Variants in CASD1 observed in about 807,000 individuals in gnomAD.
CASD1 encodes N-acetylneuraminate (7)9-O-acetyltransferase.
CASD1 carries 41 observed loss-of-function variants against 100.0 expected under a neutral mutation model. The observed-to-expected ratio is 0.41, with a 90% CI of 0.32 to 0.53. The LOEUF (loss-of-function observed/expected upper bound fraction) is 0.53, where lower values mean the gene tolerates loss of function less well. Ranked by LOEUF, CASD1 falls within the 20% of genes least tolerant of loss-of-function variation. The pLI, the probability that CASD1 is intolerant of heterozygous loss-of-function variation, is 0.25. For missense variants in CASD1, 774 were observed against 948.7 expected, an observed-to-expected ratio of 0.82 and a Z score of 2.42; for synonymous variants, 321 against 315.6, an observed-to-expected ratio of 1.02 and a Z score of -0.18.
At chr7:94,587,329 T>A in the CASD1 span, 1 of 1,004,402 alleles carries the variant, frequency 1.0e-6, no homozygotes, top group Non-Finnish European at 1.2e-6. Flanking sequence ...GTAAGTAAAA[T>A]CTGGATTTTT....
rs147579585 is a variant in CASD1, at chr7:94,541,357, A to G, written c.1356+2301A>G. On this transcript the variant is annotated intron_variant, in intron 10 of 17. Transcript: ENST00000297273. ...TTGTGTCATGTTTTTATGCTAAAAG[A>G]TAACTGTATCAAAAATTCTAGAGAA... Among the ~76,000 whole-genome samples, 687 of 151,988 alleles carry G rather than the reference A, an allele frequency of 4.5e-3. 2 individuals are homozygous for G. Among genetic ancestry groups the G allele is most frequent in the Non-Finnish European group, 7.5e-3 (506 of 67,874 alleles).
At chr7:94,615,003 A>T in the CASD1 span, among the ~76,000 whole-genome samples, 15 of 152,202 alleles carry the variant, frequency 9.9e-5, no homozygotes, top group African/African-American at 3.4e-4. Flanking sequence ...TTTCTATATC[A>T]CCACTATTCC....
the CASD1 span, among the ~76,000 whole-genome samples, chr7:94,583,121 T>A: frequency 6.6e-6 from 1 of 152,260 alleles, no homozygotes; most frequent in Non-Finnish European, 1.5e-5. Flanking sequence ...TTGGAGGCAC[T>A]GACCTTGATG....
At chr7:94,577,142 T>C in the CASD1 span, among the ~76,000 whole-genome samples, 5 of 152,220 alleles carry the variant, frequency 3.3e-5, no homozygotes, top group African/African-American at 1.2e-4. Context: ...CCAACTTCTA[T>C]GTTTCCTGGG....
At chr7:94,595,947 G>A in the CASD1 span, among the ~76,000 whole-genome samples, 1 of 152,234 alleles carries the variant, frequency 6.6e-6, no homozygotes, top group Middle Eastern at 3.4e-3. Context: ...CGCACTTGAT[G>A]ATCCTGCAGT....
the CASD1 span, among the ~76,000 whole-genome samples, chr7:94,564,717 C>T: frequency 6.6e-6 from 1 of 152,046 alleles, no homozygotes; most frequent in Non-Finnish European, 1.5e-5. Context: ...ACTCTGAAGG[C>T]CATGAAAATA....
chr7:94,545,803 A>T, intron 12 of CASD1, 102 bp downstream of exon 12: 1 of 659,432 alleles, frequency 1.5e-6, no homozygotes. Flanking sequence ...TGATGTAGAC[A>T]GTTTAAATTT....
chr7:94,580,718 A>G, the CASD1 span, among the ~76,000 whole-genome samples: 9 of 152,224 alleles, frequency 5.9e-5, no homozygotes, highest in African/African-American at 1.9e-4. Context: ...AAAGCCACCA[A>G]TTATTTCACA....
At chr7:94,549,435 T>C (rs1040103759) in intron 13 of CASD1, 98 bp from the exon 14 acceptor site, 24 of 739,958 alleles carry the variant, frequency 3.2e-5, no homozygotes, top group Admixed American at 1.7e-4. Flanking sequence ...ATGACTCTTA[T>C]ATAATCCAAA....
In CASD1 at chr7:94,537,561, C is replaced by T; in HGVS notation, c.933C>T (p.Leu311=). Residue 311 remains leucine (L), a synonymous_variant, in exon 9 of 18, where the codon CTC becomes CTT. Coordinates refer to ENST00000297273, the MANE Select transcript of CASD1 (RefSeq NM_022900.5). Reference sequence around the variant, plus strand: ...GTCAACCTCGGCCTCCTGTTACTCTCATACAGAAGCTAGCTGCTTGTTTTT... The same window carrying T: ...GTCAACCTCGGCCTCCTGTTACTCTTATACAGAAGCTAGCTGCTTGTTTTT... The part of the protein sequence containing the change: ...SCCQPRPPVT[L]IQKLAACFFT... 1 of 1,613,876 alleles carries T rather than the reference C, an allele frequency of 6.2e-7. No individual in the cohort carries two copies. The highest frequency in any genetic ancestry group is 1.6e-4 in the Middle Eastern group (1 of 6,062).
At chr7:94,531,131 A>T (rs1424748473) in intron 5 of CASD1, among the ~76,000 whole-genome samples, 1 of 152,172 alleles carries the variant, frequency 6.6e-6, no homozygotes, top group Non-Finnish European at 1.5e-5. Context: ...GGTGTAAGAC[A>T]GGGTTCAAGG....
chr7:94,518,446 A>G, intron 3 of CASD1, 123 bp downstream of exon 3: 1 of 766,850 alleles, frequency 1.3e-6, no homozygotes, highest in Non-Finnish European at 2.0e-6. Flanking sequence ...ATTTTCAGAA[A>G]GGTTGGGGAA....
chr7:94,579,746 A>G, the CASD1 span, among the ~76,000 whole-genome samples: 2 of 152,188 alleles, frequency 1.3e-5, no homozygotes, highest in Non-Finnish European at 2.9e-5. Context: ...GTGAAAACCC[A>G]TATCCAGATG....
downstream of CASD1, among the ~76,000 whole-genome samples, chr7:94,559,114 T>A (rs1182600194): frequency 6.6e-6 from 1 of 152,170 alleles, no homozygotes; most frequent in African/African-American, 2.4e-5. Context: ...TTTCTGATTT[T>A]AAATCTTACA....
the CASD1 span, among the ~76,000 whole-genome samples, chr7:94,574,199 T>A: frequency 6.6e-6 from 1 of 152,160 alleles, no homozygotes; most frequent in Non-Finnish European, 1.5e-5. Context: ...TTTTTTGTTT[T>A]ATGTCTCTGA....
At chr7:94,626,016 T>C in the CASD1 span, 6 of 152,098 alleles carry the variant, frequency 3.9e-5, no homozygotes, top group African/African-American at 1.2e-4. Context: ...CCACCTGCAA[T>C]GCATTTTACT....
At chr7:94,513,761 A>G (rs1210462923) in intron 1 of CASD1, among the ~76,000 whole-genome samples, 1 of 152,222 alleles carries the variant, frequency 6.6e-6, no homozygotes, top group Admixed American at 6.5e-5. Flanking sequence ...AAATCCTTAA[A>G]TAACTGTGGA....
chr7:94,612,821 T>C, the CASD1 span, among the ~76,000 whole-genome samples: 17 of 152,190 alleles, frequency 1.1e-4, no homozygotes, highest in African/African-American at 3.6e-4. Flanking sequence ...CTCTTGGTGA[T>C]TGACATCCCC....
chr7:94,583,467 A>C, the CASD1 span, among the ~76,000 whole-genome samples: 1 of 152,160 alleles, frequency 6.6e-6, no homozygotes, highest in Admixed American at 6.5e-5. Context: ...TCCCTTAGTC[A>C]ATTCTAAAGA....
Sources: allele counts gnomAD v4.1 joint callset (sites outside exome capture counted in the v4.1 genomes callset), GRCh38; gene constraint gnomAD v4.1.1; transcripts MANE v1.5; gene names NCBI Gene and HGNC (gene_info 2026-07-23, HGNC 2026-07-21).